SCYL3: variants seen among roughly 807,000 people sequenced by gnomAD.
The protein encoded by SCYL3 is protein-associating with the carboxyl-terminal domain of ezrin.
Under a neutral mutation model 73.8 loss-of-function variants are expected in SCYL3, and 35 were observed. That is an observed-to-expected ratio of 0.47 (90% CI 0.36 to 0.63). The LOEUF is 0.63. Ranked by LOEUF, SCYL3 falls within the 20% of genes least tolerant of loss-of-function variation. The pLI is 0.00. For synonymous variants in SCYL3, 277 were observed against 295.2 expected, an observed-to-expected ratio of 0.94 and a Z score of 0.63; for missense variants, 712 against 798.9, an observed-to-expected ratio of 0.89 and a Z score of 1.31.
chr1:169,875,285 A>G (rs1176123515), intron 4 of SCYL3, among the ~76,000 whole-genome samples: 1 of 152,226 alleles, frequency 6.6e-6, no homozygotes, highest in African/African-American at 2.4e-5. Context: ...TAAGATGGAA[A>G]TGGTTTTTAT....
intron 11 of SCYL3, chr1:169,855,887 G>A: frequency 1.2e-6 from 2 of 1,613,884 alleles, no homozygotes; most frequent in Non-Finnish European, 1.7e-6. Context: ...TAGGGAATAT[G>A]CTAGAGAAGG....
intron 5 of SCYL3, among the ~76,000 whole-genome samples, chr1:169,870,668 A>G (rs1030712815): frequency 1.3e-5 from 2 of 152,220 alleles, no homozygotes; most frequent in African/African-American, 4.8e-5. Flanking sequence ...ATACACGTGC[A>G]TAAATACACA....
rs530075528 is a variant in SCYL3, at chr1:169,884,082, T to C, written c.165+4594A>G. Among the ~76,000 whole-genome samples the C allele has an allele frequency of 2.1e-4, 32 of 152,274 alleles. No homozygotes were observed. In the East Asian group the frequency reaches 4.4e-3, roughly 21 times the overall value. ...TTGCCAACTCTGGGAATAGCTCCAA[T>C]AGGGTTTATTTATTTATTCTTAGGA... On this transcript the variant is annotated intron_variant, in intron 2 of 12. Coordinates refer to ENST00000367771, the MANE Select transcript of SCYL3 (RefSeq NM_020423.7).
intron 9 of SCYL3, 112 bp downstream of exon 9, chr1:169,864,257 G>A (rs536306603): frequency 2.3e-5 from 32 of 1,418,742 alleles, no homozygotes; most frequent in South Asian, 2.2e-4. Context: ...ATTGTTCTCC[G>A]TTTTTAGAAC....
intron 5 of SCYL3, among the ~76,000 whole-genome samples, chr1:169,872,221 C>A (rs942562321): frequency 6.6e-6 from 1 of 152,224 alleles, no homozygotes; most frequent in Non-Finnish European, 1.5e-5. Flanking sequence ...GGACTTGGTG[C>A]CCTGCATCTC....
Position 169,850,214 on chromosome 1 carries a change from T to C in SCYL3, c.*3499A>G. The C allele has an allele frequency of 8.1e-7, 1 of 1,236,012 alleles. No homozygotes were observed. Among genetic ancestry groups the C allele is most frequent in the Non-Finnish European group, 1.2e-6 (1 of 850,044 alleles). 76.6% of individuals were successfully genotyped at this position (1,236,012 alleles called of 1,614,324 possible). On this transcript the variant is annotated 3_prime_UTR_variant, in exon 13 of 13. Transcript: ENST00000367771. ...CTCATAAAACTCATCTATTTGTCTT[T>C]GCAAGTTGTTGAAATGTTAAAATTG...
At chr1:169,861,476 C>A (rs930563575) in intron 10 of SCYL3, among the ~76,000 whole-genome samples, 4 of 152,208 alleles carry the variant, frequency 2.6e-5, no homozygotes, top group Non-Finnish European at 5.9e-5. Context: ...TTCCAAGATA[C>A]CAAGGAGCCA....
upstream of SCYL3, chr1:169,894,121 C>T (rs1017993534): frequency 6.6e-6 from 1 of 152,274 alleles, no homozygotes; most frequent in Non-Finnish European, 1.5e-5. Context: ...AGTTAGTCCA[C>T]GAAGATGCCC....
chr1:169,854,285 T>C lies in SCYL3; in HGVS notation c.1992A>G (p.Ala664=), dbSNP rs1340541975. The change falls in exon 12 of 13, where the codon GCA becomes GCG. Residue 664 remains alanine (A), a synonymous_variant. Transcript: ENST00000367771. ...AAGTACTCACCTCAGTAATTTCTGC[T>C]GCAGCAAATTTTGAGGAAAACTGCA... ...PVMQFSSKFA[A]AEITEGEAEG... is the part of the protein sequence containing the mutation. 1 of 1,604,784 alleles carries C rather than the reference T, an allele frequency of 6.2e-7. No individual in the cohort carries two copies. Among genetic ancestry groups the C allele is most frequent in the East Asian group, 2.2e-5 (1 of 44,846 alleles).
intron 11 of SCYL3, chr1:169,855,863 A>G (rs777452272): frequency 9.9e-6 from 16 of 1,613,860 alleles, no homozygotes; most frequent in Non-Finnish European, 1.3e-5. Context: ...GCGTGCTGCC[A>G]GAAAAGAAAC....
rs368350801 is a variant in SCYL3, at chr1:169,854,793, G to A, written c.1484C>T (p.Pro495Leu). Residue 495 changes from proline (P) to leucine (L), a missense_variant, in exon 12 of 13, where the codon CCT becomes CTT. By Grantham distance (98) the Pro-to-Leu change is moderately conservative (BLOSUM62 -3). This residue lies in a region of SCYL3 where 370 missense variants were observed against 350.8 expected (regional missense o/e 1.05). Transcript: ENST00000367771. ...ENQTVNIQIW[P>L]REPCDDVKSQ... ...CTTGACATCATCACAAGGTTCTCTA[G>A]GCCAAATCTGTATGTTGACAGTTTG... is the stretch of plus-strand genomic sequence containing the variant. 36 of 1,613,894 alleles carry A rather than the reference G, an allele frequency of 2.2e-5. No homozygotes were observed. The Admixed American group carries it at 2.8e-4, about 13-fold the overall frequency.
At chr1:169,882,468 C>T (rs778578398) in intron 2 of SCYL3, among the ~76,000 whole-genome samples, 16 of 152,206 alleles carry the variant, frequency 1.1e-4, no homozygotes, top group Non-Finnish European at 2.1e-4. Flanking sequence ...CCAGTCCCAT[C>T]GACCACCCAA....
Position 169,851,933 on chromosome 1 carries a change from A to T in SCYL3, c.*1780T>A, listed in dbSNP as rs780414138. Reference sequence around the variant, plus strand: ...TAGAAGAAGCAAAGAGGTCATCTTTACAGGTATGGGCTGATTTCAATAGGG... The same window carrying T: ...TAGAAGAAGCAAAGAGGTCATCTTTTCAGGTATGGGCTGATTTCAATAGGG... On this transcript the variant is annotated 3_prime_UTR_variant, in exon 13 of 13. Coordinates refer to ENST00000367771, the MANE Select transcript of SCYL3 (RefSeq NM_020423.7). 1 of 1,614,072 alleles carries T rather than the reference A, an allele frequency of 6.2e-7. No homozygotes were observed. The highest frequency in any genetic ancestry group is 1.1e-5 in the South Asian group (1 of 91,082).
intron 11 of SCYL3, 44 bp downstream of exon 11, chr1:169,858,997 A>T (rs1659418482): frequency 6.4e-7 from 1 of 1,557,254 alleles, no homozygotes; most frequent in South Asian, 1.2e-5. Flanking sequence ...CTAAAAATCT[A>T]AAAAAATGAC....
chr1:169,894,240 G>A (rs76519675), upstream of SCYL3: 4 of 152,180 alleles, frequency 2.6e-5, no homozygotes, highest in Non-Finnish European at 4.4e-5. Context: ...AATGGCTGCT[G>A]GCCACTTGTA....
rs761042993 is a variant in SCYL3, at chr1:169,852,418, T to G, written c.*1295A>C. 3 of 267,912 alleles carry G rather than the reference T, an allele frequency of 1.1e-5. No individual in the cohort carries two copies. The highest frequency in any genetic ancestry group is 5.0e-5 in the Admixed American group (1 of 19,970). 16.6% of individuals were successfully genotyped at this position (267,912 alleles called of 1,614,324 possible). A position where few individuals can be genotyped will look rare whatever the true frequency, so the allele number is the denominator to read the frequency against. On this transcript the variant is annotated 3_prime_UTR_variant, in exon 13 of 13. Coordinates refer to ENST00000367771, the MANE Select transcript of SCYL3 (RefSeq NM_020423.7). ...GTATAGTAATTAGTATAGTAGTAAT[T>G]CATGAAGAACAACATTCTGATAAGT...
At chr1:169,860,525 T>C (rs1428562794) in intron 10 of SCYL3, among the ~76,000 whole-genome samples, 6 of 152,234 alleles carry the variant, frequency 3.9e-5, no homozygotes, top group Non-Finnish European at 1.5e-5. Flanking sequence ...TCTTTTTATT[T>C]TTCTGGCCTG....
chr1:169,889,273 T>A (rs1007856811), intron 1 of SCYL3, among the ~76,000 whole-genome samples: 2 of 152,186 alleles, frequency 1.3e-5, no homozygotes, highest in Non-Finnish European at 2.9e-5. Context: ...AACTTCTGTA[T>A]GTAGAAAATA....
At position 169,859,095 on chromosome 1, in the gene SCYL3, T is replaced by C; in HGVS notation, c.1258A>G (p.Ile420Val). Residue 420 changes from isoleucine (I) to valine (V), a missense_variant, in exon 11 of 13, where the codon ATC becomes GTC. This residue lies in a region of SCYL3 where 370 missense variants were observed against 350.8 expected (regional missense o/e 1.05). Coordinates refer to ENST00000367771, the MANE Select transcript of SCYL3 (RefSeq NM_020423.7). ...AAACTTGGGGCAGTGCGTTTGAAGA[T>C]CTTGGTTCGTTCTCCTCCCACAACC... The part of the protein sequence containing the change: ...EVVVGGERTK[I>V]FKRTAPSFTK... 6.2e-7 allele frequency: 1 copy of C among 1,614,064 alleles called. No homozygotes were observed. The highest frequency in any genetic ancestry group is 1.1e-5 in the South Asian group (1 of 91,078).
Sources: gnomAD v4.1 joint callset for allele counts (sites outside exome capture counted in the v4.1 genomes callset) on GRCh38, gnomAD v4.1.1 for gene constraint, gnomAD v4.1.1 regional missense constraint, MANE v1.5 for transcripts, NCBI Gene and HGNC (gene_info 2026-07-23, HGNC 2026-07-21) for gene names.